The following ZNF180 variants were observed in gnomAD, a reference collection of about 807,000 sequenced individuals.
ZNF180 encodes the protein zinc finger protein 180.
Under a neutral mutation model 11.8 loss-of-function variants are expected in ZNF180, and 11 were observed. The observed-to-expected ratio is 0.93, with a 90% CI of 0.59 to 1.55. ZNF180 has a LOEUF of 1.55. ZNF180 is among the 40% of genes most tolerant of loss of function. ZNF180 has a pLI of 0.00. For synonymous variants in ZNF180, 287 were observed against 257.7 expected (o/e 1.11, Z -1.09); for missense variants, 773 against 781.7 (o/e 0.99, Z 0.13).
rs148812167 is a variant in ZNF180 at position 44,477,019 on chromosome 19, T to C, written c.1381A>G (p.Thr461Ala). ...YKLIAHQRIH[T>A]GEKPYECNQC... ...TTGCATTCATAGGGTTTTTCCCCAG[T>C]ATGAATTCTTTGATGTGCAATAAGT... Residue 461 changes from threonine (T) to alanine (A), a missense_variant, in exon 5 of 5, where the codon ACT becomes GCT. By Grantham distance (58) the Thr-to-Ala change is moderately conservative (BLOSUM62 0). Transcript: ENST00000592529. 290 of 1,613,892 alleles carry C rather than the reference T, an allele frequency of 1.8e-4. 2 individuals carry two copies. In the Middle Eastern group the frequency reaches 4.6e-3, roughly 26 times the overall value.
In ZNF180 at chr19:44,478,042, G is replaced by C; in HGVS notation, c.358C>G (p.Pro120Ala). 6.2e-7 allele frequency: 1 copy of C among 1,613,992 alleles called. No individual in the cohort carries two copies. The highest frequency in any genetic ancestry group is 8.5e-7 in the Non-Finnish European group (1 of 1,179,940). Reference protein sequence around the residue: ...VKIERFTRDDPWLSSCEEVDD... With the variant: ...VKIERFTRDDAWLSSCEEVDD... Reference sequence around the variant, plus strand: ...ACTTCTTCACATGAAGATAACCAAGGATCATCCCTTGTAAACCTTTCTATC... The same window carrying C: ...ACTTCTTCACATGAAGATAACCAAGCATCATCCCTTGTAAACCTTTCTATC... The change falls in exon 5 of 5, where the codon CCT becomes GCT. Residue 120 changes from proline to alanine, a missense_variant. Physicochemically the swap from Pro to Ala is conservative, Grantham distance 27. Transcript: ENST00000592529.
In ZNF180 at chr19:44,477,704, G is replaced by A. The variant is rs1240810096; in HGVS notation, c.696C>T (p.His232=). 5 of 1,613,896 alleles carry A rather than the reference G, an allele frequency of 3.1e-6. No homozygotes were observed. Among genetic ancestry groups the A allele is most frequent in the African/African-American group, 2.7e-5 (2 of 74,908 alleles). Residue 232 remains histidine (H), a synonymous_variant, in exon 5 of 5, where the codon CAC becomes CAT. Transcript: ENST00000592529. The stretch of plus-strand genomic sequence containing the variant: ...TTTGAGTTCTTGTAAACTGAATAAG[G>A]TGAATGCTCTGAGGGGGTTTTCCAC... ...NECGKPPQSI[H]LIQFTRTQTK...
Position 44,474,777 on chromosome 19 carries a change from G to C in ZNF180, c.*1625C>G, listed in dbSNP as rs1969817137. On this transcript the variant is annotated 3_prime_UTR_variant, in exon 5 of 5. Transcript: ENST00000592529. ...GAACACATCCTTCCCAAGAGATACT[G>C]AACCTCTTTCAGACTCATTGAGGGT... 6.6e-6 allele frequency: 1 copy of C among 152,228 alleles called. No individual in the cohort carries two copies. Among genetic ancestry groups the C allele is most frequent in the Admixed American group, 6.5e-5 (1 of 15,288 alleles). 9.4% of individuals were successfully genotyped at this position (152,228 alleles called of 1,614,324 possible). A position where few individuals can be genotyped will look rare whatever the true frequency, so the allele number is the denominator to read the frequency against.
At position 44,478,084 on chromosome 19, in the gene ZNF180, G is replaced by C; in HGVS notation, c.316C>G (p.Pro106Ala). The stretch of plus-strand genomic sequence containing the variant: ...CTTTCTATCTTCACTCCATTAGCTG[G>C]TTCTTCATCAAAAATCCTCTGCTTT... ...TSKQRIFDEE[P>A]ANGVKIERFT... The change falls in exon 5 of 5, where the codon CCA becomes GCA. Residue 106 changes from proline to alanine, a missense_variant. Pro to Ala is a conservative substitution (Grantham distance 27, BLOSUM62 -1). Coordinates refer to ENST00000592529, the MANE Select transcript of ZNF180 (RefSeq NM_001278509.3). The C allele has an allele frequency of 6.2e-7, 1 of 1,600,574 alleles. No individual in the cohort carries two copies. Among genetic ancestry groups the C allele is most frequent in the Admixed American group, 1.7e-5 (1 of 58,716 alleles).
intron 2 of ZNF180, chr19:44,484,783 C>T (rs1970180657): frequency 3.8e-6 from 1 of 264,264 alleles, no homozygotes; most frequent in African/African-American, 2.2e-5. Context: ...ATTCCTGGGT[C>T]ACAAAATTAT....
At position 44,484,001 on chromosome 19, in the gene ZNF180, T is replaced by C. The variant is rs1447663595; in HGVS notation, c.126+360A>G. Among the ~76,000 whole-genome samples, 5 of 35,834 alleles carry C rather than the reference T, an allele frequency of 1.4e-4. No homozygotes were observed. In the South Asian group the frequency reaches 0.011, roughly 77 times the overall value. 23.5% of individuals were successfully genotyped at this position (35,834 alleles called of 152,430 possible). A position where few individuals can be genotyped will look rare whatever the true frequency, so the allele number is the denominator to read the frequency against. On this transcript the variant is annotated intron_variant, in intron 3 of 4. Coordinates refer to ENST00000592529, the MANE Select transcript of ZNF180 (RefSeq NM_001278509.3). ...TTCCTCACTTTCTTTCTTTCTTTTT[T>C]TTTTTTTTTTTGAGATGGAGTCTCA...
At chr19:44,491,034 C>G (rs933340670) in intron 2 of ZNF180, among the ~76,000 whole-genome samples, 2 of 152,224 alleles carry the variant, frequency 1.3e-5, no homozygotes, top group Non-Finnish European at 2.9e-5. Flanking sequence ...TTCATAAGAG[C>G]TGAGATCTTG....
Position 44,477,086 on chromosome 19 carries a change from A to G in ZNF180, c.1314T>C (p.Tyr438=), listed in dbSNP as rs1384548944. 5 of 1,613,900 alleles carry G rather than the reference A, an allele frequency of 3.1e-6. No homozygotes were observed. The highest frequency in any genetic ancestry group is 1.7e-6 in the Non-Finnish European group (2 of 1,179,886). ...ATGATTTCCCACATTGATTACATTC[A>G]TAGGGCTTCTCTCCGGTATGTGTTC... is the stretch of plus-strand genomic sequence containing the variant. ...HQRTHTGEKP[Y]ECNQCGKSFI... is the part of the protein sequence containing the mutation. Residue 438 remains tyrosine (Y), a synonymous_variant, in exon 5 of 5, where the codon TAT becomes TAC. Coordinates refer to ENST00000592529, the MANE Select transcript of ZNF180 (RefSeq NM_001278509.3).
At chr19:44,493,308 G>A (rs1367219948) in intron 2 of ZNF180, among the ~76,000 whole-genome samples, 2 of 152,168 alleles carry the variant, frequency 1.3e-5, no homozygotes, top group Admixed American at 1.3e-4. Flanking sequence ...GCCTTCGCTG[G>A]ACCAGCTGCT....
At chr19:44,478,272 G>A in intron 4 of ZNF180, 126 bp from the exon 5 acceptor site, 1 of 1,005,550 alleles carries the variant, frequency 9.9e-7, no homozygotes, top group South Asian at 2.0e-5. Flanking sequence ...GATAACCTAG[G>A]TTGAAAAAGC....
Position 44,476,635 on chromosome 19 carries a change from G to C in ZNF180, c.1765C>G (p.Gln589Glu). The change falls in exon 5 of 5, where the codon CAG becomes GAG. Residue 589 changes from glutamine (Q) to glutamate (E), a missense_variant. Coordinates refer to ENST00000592529, the MANE Select transcript of ZNF180 (RefSeq NM_001278509.3). Reference protein sequence around the residue: ...ECSQCGKSFRQSSCLTQHQRT... With the variant: ...ECSQCGKSFRESSCLTQHQRT... ...TGATGTTGAGTAAGGCATGAACTCTGTCTGAAGGACTTCCCACATTGACTG... is the reference window on the plus strand; with the variant it reads ...TGATGTTGAGTAAGGCATGAACTCTCTCTGAAGGACTTCCCACATTGACTG... 6.2e-7 allele frequency: 1 copy of C among 1,614,080 alleles called. No homozygotes were observed. Among genetic ancestry groups the C allele is most frequent in the Non-Finnish European group, 8.5e-7 (1 of 1,179,996 alleles).
intron 3 of ZNF180, among the ~76,000 whole-genome samples, chr19:44,482,283 G>A (rs1970102048): frequency 6.6e-6 from 1 of 152,164 alleles, no homozygotes; most frequent in East Asian, 1.9e-4. Context: ...AGTCCAGCCT[G>A]GGTAACTGGA....
At chr19:44,494,646 C>G (rs1206805155) in intron 2 of ZNF180, among the ~76,000 whole-genome samples, 1 of 152,190 alleles carries the variant, frequency 6.6e-6, no homozygotes, top group Non-Finnish European at 1.5e-5. Context: ...GTACTCCAGA[C>G]TGGGTGACAG....
chr19:44,494,168 C>T (rs970922083), intron 2 of ZNF180, among the ~76,000 whole-genome samples: 2 of 152,170 alleles, frequency 1.3e-5, no homozygotes, highest in Non-Finnish European at 2.9e-5. Flanking sequence ...TCGTGCAGGG[C>T]AGTGCTGTCT....
At chr19:44,486,189 GA>G (rs1568429682) in intron 2 of ZNF180, among the ~76,000 whole-genome samples, 1 of 117,288 alleles carries the variant, frequency 8.5e-6, no homozygotes, top group Admixed American at 1.0e-4. Context: ...ATTGCTGAGT[GA>G]AAAAATGAAG....
intron 2 of ZNF180, chr19:44,484,680 G>A (rs3745147): frequency 0.073 from 39,453 of 543,002 alleles, 2,921 homozygotes; most frequent in East Asian, 0.33. Flanking sequence ...GGTCTTCTGG[G>A]CCAGCCCATT....
Position 44,481,595 on chromosome 19 carries a change from C to T in ZNF180, c.127-2186G>A, listed in dbSNP as rs367647591. Among the ~76,000 whole-genome samples the T allele has an allele frequency of 2.0e-5, 3 of 152,178 alleles. No homozygotes were observed. The East Asian group carries it at 5.8e-4, about 29-fold the overall frequency. ...TATATTCTCAAAGTTCCATGGACTT[C>T]TATAATCACACTTTCTTATTTGCAG... On this transcript the variant is annotated intron_variant, in intron 3 of 4. Coordinates refer to ENST00000592529, the MANE Select transcript of ZNF180 (RefSeq NM_001278509.3).
chr19:44,484,461 A>T, intron 2 of ZNF180, 26 bp from the exon 3 acceptor site: 1 of 1,572,128 alleles, frequency 6.4e-7, no homozygotes, highest in Non-Finnish European at 8.8e-7. Flanking sequence ...AGATGAGAAA[A>T]AGGAAAATAA....
chr19:44,496,444 G>A (rs1342932942), intron 2 of ZNF180: 1 of 152,086 alleles, frequency 6.6e-6, no homozygotes, highest in East Asian at 1.9e-4. Context: ...CTTGAAGCCA[G>A]GAGTTCGAGA....
Sources: gnomAD v4.1 joint callset for allele counts (sites outside exome capture counted in the v4.1 genomes callset) on GRCh38, gnomAD v4.1.1 for gene constraint, MANE v1.5 for transcripts, NCBI Gene and HGNC (gene_info 2026-07-23, HGNC 2026-07-21) for gene names.